The following KCNH5 variants were observed in gnomAD, a reference collection of about 807,000 sequenced individuals.
KCNH5 encodes the protein potassium voltage-gated channel subfamily H member 5.
In KCNH5, 46 loss-of-function variants were observed where a neutral mutation model predicts 96.1. The observed-to-expected ratio is 0.48, with a 90% CI of 0.38 to 0.61. KCNH5 has a LOEUF of 0.61. Among genes scored for constraint, KCNH5 ranks in the 20% least tolerant of loss-of-function variants. KCNH5 has a pLI of 0.00. For missense variants in KCNH5, 907 were observed against 1,225.8 expected (o/e 0.74, Z 3.88); for synonymous variants, 439 against 449.8 (o/e 0.98, Z 0.30).
intron 10 of KCNH5, among the ~76,000 whole-genome samples, chr14:62,761,878 T>C (rs1885758763): frequency 6.6e-6 from 1 of 152,014 alleles, no homozygotes; most frequent in Admixed American, 6.6e-5. Context: ...TGAGAATGGA[T>C]GGAGGGAGGA....
In KCNH5 at chr14:62,802,447, G is replaced by T. The variant is rs754939357; in HGVS notation, c.1704C>A (p.Thr568=). 6.2e-7 allele frequency: 1 copy of T among 1,614,136 alleles called. No individual in the cohort carries two copies. The highest frequency in any genetic ancestry group is 2.2e-5 in the East Asian group (1 of 44,860). The stretch of plus-strand genomic sequence containing the variant: ...TGAGGTCCCCGGGAGCACAGTGAAT[G>T]GTTTGGAACTCTACCGCCAAGGCGC... ...CLRALAVEFQ[T]IHCAPGDLIY... Residue 568 remains threonine (T), a synonymous_variant, in exon 9 of 11, where the codon ACC becomes ACA. Coordinates refer to ENST00000322893, the MANE Select transcript of KCNH5 (RefSeq NM_139318.5).
At chr14:62,913,607 G>A (rs1595682084) in intron 7 of KCNH5, among the ~76,000 whole-genome samples, 1 of 152,080 alleles carries the variant, frequency 6.6e-6, no homozygotes. Context: ...AATTAGTAGG[G>A]ACCCCTTCTA....
At chr14:62,763,763 C>T (rs1208886461) in intron 10 of KCNH5, among the ~76,000 whole-genome samples, 1 of 152,132 alleles carries the variant, frequency 6.6e-6, no homozygotes, top group Non-Finnish European at 1.5e-5. Context: ...CACTTTCATG[C>T]ATACAAACTA....
In KCNH5 at chr14:63,006,490, C is replaced by A. The variant is rs1350911410; in HGVS notation, c.198-18G>T. On this transcript the variant is annotated intron_variant, in intron 2 of 10. Coordinates refer to ENST00000322893, the MANE Select transcript of KCNH5 (RefSeq NM_139318.5). ...ACATAAAACTGGGGGGGAAAAAAAA[C>A]AAACAATCGATTTCACTTTTGTGTT... 2 of 1,400,486 alleles carry A rather than the reference C, an allele frequency of 1.4e-6. No individual in the cohort carries two copies. The highest frequency in any genetic ancestry group is 4.6e-5 in the East Asian group (2 of 43,600). The allele number at this position is 1,400,486 out of a possible 1,614,324, so 86.8% of individuals were successfully genotyped here.
At chr14:62,861,392 C>T (rs1888029849) in intron 7 of KCNH5, among the ~76,000 whole-genome samples, 1 of 151,906 alleles carries the variant, frequency 6.6e-6, no homozygotes, top group Non-Finnish European at 1.5e-5. Context: ...ACCTTAGCTT[C>T]CAGAGTAGCT....
At chr14:62,858,603 T>G (rs1348623069) in intron 7 of KCNH5, among the ~76,000 whole-genome samples, 6 of 152,136 alleles carry the variant, frequency 3.9e-5, no homozygotes, top group African/African-American at 1.2e-4. Context: ...CTTTGTTGTG[T>G]CTCCTGGCTC....
At chr14:62,730,684 T>C (rs10141461) in intron 10 of KCNH5, among the ~76,000 whole-genome samples, 7,910 of 152,296 alleles carry the variant, frequency 0.052, 631 homozygotes, top group African/African-American at 0.17. Flanking sequence ...TTGTTAAATG[T>C]ATCTGATAAC....
intron 7 of KCNH5, among the ~76,000 whole-genome samples, chr14:62,894,015 T>A (rs1239451568): frequency 6.6e-6 from 1 of 152,250 alleles, no homozygotes; most frequent in African/African-American, 2.4e-5. Context: ...AAAAAGATTA[T>A]GCCTCATTGA....
At chr14:62,713,434 T>C (rs1409676910) in intron 10 of KCNH5, among the ~76,000 whole-genome samples, 1 of 152,200 alleles carries the variant, frequency 6.6e-6, no homozygotes, top group Non-Finnish European at 1.5e-5. Context: ...CACAAATCAG[T>C]CATTGAAAGG....
intron 7 of KCNH5, among the ~76,000 whole-genome samples, chr14:62,931,326 C>T (rs909128045): frequency 3.3e-5 from 5 of 152,054 alleles, no homozygotes; most frequent in African/African-American, 7.2e-5. Flanking sequence ...TACATAAATC[C>T]GGATGATAAA....
intron 6 of KCNH5, among the ~76,000 whole-genome samples, chr14:62,955,530 G>A (rs189594572): frequency 7.4e-4 from 112 of 152,300 alleles, no homozygotes; most frequent in African/African-American, 2.5e-3. Context: ...CATAGTAAGA[G>A]GAGGAAGCCA....
At chr14:62,806,822 T>G (rs566196168) in intron 8 of KCNH5, among the ~76,000 whole-genome samples, 52 of 152,256 alleles carry the variant, frequency 3.4e-4, no homozygotes, top group African/African-American at 1.2e-3. Context: ...AAGAACAGGT[T>G]TGGCACTATG....
intron 9 of KCNH5, among the ~76,000 whole-genome samples, chr14:62,794,221 T>C (rs774347443): frequency 1.9e-4 from 29 of 152,042 alleles, no homozygotes; most frequent in African/African-American, 5.8e-4. Flanking sequence ...TATACTGTTA[T>C]GGTGCCTAAT....
Position 62,849,677 on chromosome 14 carries a change from C to T in KCNH5, c.1545G>A (p.Met515Ile). The T allele has an allele frequency of 1.2e-6, 2 of 1,613,698 alleles. No individual in the cohort carries two copies. The highest frequency in any genetic ancestry group is 1.7e-6 in the Non-Finnish European group (2 of 1,179,774). The change falls in exon 8 of 11, where the codon ATG (methionine) becomes ATA (isoleucine). Residue 515 changes from methionine (M) to isoleucine (I), a missense_variant. Physicochemically the swap from Met to Ile is conservative, Grantham distance 10. Transcript: ENST00000322893. ...CCTTTTCTGTATCAATGCCTTTTGACATGGACCATGTTGAGACAATATAAT... is the reference window on the plus strand; with the variant it reads ...CCTTTTCTGTATCAATGCCTTTTGATATGGACCATGTTGAGACAATATAAT... The part of the protein sequence containing the change: ...VMDYIVSTWS[M>I]SKGIDTEKVL...
intron 10 of KCNH5, among the ~76,000 whole-genome samples, chr14:62,718,293 T>TATA (rs1694933335): frequency 1.3e-5 from 2 of 151,898 alleles, no homozygotes. Context: ...GAATTTAAAA[T>TATA]ATAATAATAA....
In KCNH5 at chr14:62,706,516, CTTTTT is replaced by C. The variant is rs1566632903; in HGVS notation, c.*987_*991del. The C allele has an allele frequency of 6.6e-6, 1 of 151,680 alleles. No homozygotes were observed. The allele number at this position is 151,680 out of a possible 1,614,324, so 9.4% of individuals were successfully genotyped here. A position where few individuals can be genotyped will look rare whatever the true frequency, so the allele number is the denominator to read the frequency against. On this transcript the variant is annotated 3_prime_UTR_variant, in exon 11 of 11. Transcript: ENST00000322893. ...AAAAATTTATCTATCTGTTTACATT[CTTTTT>C]TATTTTATACCATAATAGTTAGCAT...
At chr14:62,925,919 G>T (rs556867284) in intron 7 of KCNH5, among the ~76,000 whole-genome samples, 1 of 152,208 alleles carries the variant, frequency 6.6e-6, no homozygotes, top group South Asian at 2.1e-4. Flanking sequence ...AGTCCTTACA[G>T]TGCTGGCATT....
chr14:62,851,394 T>G (rs1451621040), intron 7 of KCNH5, among the ~76,000 whole-genome samples: 1 of 151,866 alleles, frequency 6.6e-6, no homozygotes, highest in African/African-American at 2.4e-5. Flanking sequence ...GTATCAGTTT[T>G]CCATGTTGAA....
chr14:62,885,347 T>C (rs1223001456), intron 7 of KCNH5, among the ~76,000 whole-genome samples: 8 of 152,192 alleles, frequency 5.3e-5, no homozygotes, highest in Admixed American at 2.6e-4. Context: ...CCTGAGAACA[T>C]AGTAAGCATA....
Sources: allele counts gnomAD v4.1 joint callset (sites outside exome capture counted in the v4.1 genomes callset), GRCh38; gene constraint gnomAD v4.1.1; transcripts MANE v1.5; gene names NCBI Gene and HGNC (gene_info 2026-07-23, HGNC 2026-07-21).